The following ELMO1 variants were observed in gnomAD, a reference collection of about 807,000 sequenced individuals.
The protein encoded by ELMO1 is engulfment and cell motility protein 1.
In ELMO1, 26 loss-of-function variants were observed where a neutral mutation model predicts 98.9. The ratio of observed to expected loss-of-function variants is 0.26; its 90% CI spans 0.19 to 0.36. The LOEUF (loss-of-function observed/expected upper bound fraction) is 0.36. Among genes scored for constraint, ELMO1 ranks in the 10% least tolerant of loss-of-function variants. The pLI is 1.00. For missense variants in ELMO1, 627 were observed against 935.2 expected (o/e 0.67, Z 4.30); for synonymous variants, 346 against 346.0 (o/e 1.00, Z 0.00).
chr7:37,259,657 C>G (rs958689861), intron 5 of ELMO1, among the ~76,000 whole-genome samples: 1 of 152,044 alleles, frequency 6.6e-6, no homozygotes, highest in East Asian at 1.9e-4. Context: ...GAACAGGATG[C>G]GGCAGAAAGG....
chr7:37,080,306 G>T (rs1359438199), intron 15 of ELMO1, among the ~76,000 whole-genome samples: 1 of 152,080 alleles, frequency 6.6e-6, no homozygotes, highest in Non-Finnish European at 1.5e-5. Flanking sequence ...ACAATTCTTT[G>T]AAATTATAAA....
At chr7:37,110,954 T>G (rs1785220776) in intron 14 of ELMO1, among the ~76,000 whole-genome samples, 2 of 152,258 alleles carry the variant, frequency 1.3e-5, no homozygotes, top group Admixed American at 1.3e-4. Context: ...TACATATTTA[T>G]GAATTCAGAG....
intron 13 of ELMO1, among the ~76,000 whole-genome samples, chr7:37,204,957 C>G (rs1010271616): frequency 6.6e-6 from 1 of 152,230 alleles, no homozygotes; most frequent in African/African-American, 2.4e-5. Flanking sequence ...TAGCTAGACA[C>G]AGACAGCTGA....
At chr7:37,110,143 G>C (rs1341518388) in intron 14 of ELMO1, among the ~76,000 whole-genome samples, 3 of 152,158 alleles carry the variant, frequency 2.0e-5, no homozygotes, top group African/African-American at 7.2e-5. Context: ...GAAATATCAG[G>C]GAGATTAATT....
chr7:37,244,312 A>C (rs1399969858), intron 7 of ELMO1, 44 bp downstream of exon 7: 1 of 1,600,434 alleles, frequency 6.2e-7, no homozygotes, highest in Non-Finnish European at 8.5e-7. Flanking sequence ...GCAGGAAAGT[A>C]GGAAGGGTTA....
At chr7:37,323,871 C>T (rs1259139336) in intron 2 of ELMO1, among the ~76,000 whole-genome samples, 3 of 152,184 alleles carry the variant, frequency 2.0e-5, no homozygotes, top group Non-Finnish European at 4.4e-5. Context: ...CAAGGATGCC[C>T]TGCCACCCTT....
At chr7:37,260,709 T>A (rs1295065123) in intron 5 of ELMO1, among the ~76,000 whole-genome samples, 1 of 152,028 alleles carries the variant, frequency 6.6e-6, no homozygotes, top group African/African-American at 2.4e-5. Context: ...GTGGCAGGTC[T>A]CCCATTTAAT....
At chr7:37,031,167 A>G (rs983183243) in intron 15 of ELMO1, among the ~76,000 whole-genome samples, 1 of 152,170 alleles carries the variant, frequency 6.6e-6, no homozygotes, top group Admixed American at 6.5e-5. Context: ...GTCTCGGGAC[A>G]GATCCATTTC....
intron 1 of ELMO1, among the ~76,000 whole-genome samples, chr7:37,423,723 TG>T (rs1339427987): frequency 6.6e-6 from 1 of 152,250 alleles, no homozygotes; most frequent in Non-Finnish European, 1.5e-5. Context: ...CAAGGCTTTA[TG>T]GATCATACCA....
intron 13 of ELMO1, among the ~76,000 whole-genome samples, chr7:37,154,227 G>A (rs1346923558): frequency 6.6e-6 from 1 of 152,210 alleles, no homozygotes; most frequent in Non-Finnish European, 1.5e-5. Context: ...CAGAAAGGCT[G>A]AAAATTCCAA....
chr7:37,041,580 CTGTT>C (rs1407321769), intron 15 of ELMO1, among the ~76,000 whole-genome samples: 1 of 152,136 alleles, frequency 6.6e-6, no homozygotes, highest in African/African-American at 2.4e-5. Context: ...CGGGGAGACA[CTGTT>C]TGAAAAGTAT....
intron 6 of ELMO1, among the ~76,000 whole-genome samples, chr7:37,246,498 C>A (rs1254202873): frequency 6.6e-6 from 1 of 152,068 alleles, no homozygotes; most frequent in Non-Finnish European, 1.5e-5. Flanking sequence ...TACCATGTGC[C>A]ATCAACAGGA....
At chr7:37,000,544 A>G (rs1454147370) in intron 16 of ELMO1, among the ~76,000 whole-genome samples, 1 of 152,224 alleles carries the variant, frequency 6.6e-6, no homozygotes, top group African/African-American at 2.4e-5. Context: ...TTTCCCCCCA[A>G]TTTAAGATAA....
At chr7:37,085,114 T>G (rs1433386169) in intron 15 of ELMO1, among the ~76,000 whole-genome samples, 1 of 152,140 alleles carries the variant, frequency 6.6e-6, no homozygotes, top group Non-Finnish European at 1.5e-5. Flanking sequence ...GAGACCTGAT[T>G]GGCATCCACC....
At chr7:37,033,302 C>T (rs1181536878) in intron 15 of ELMO1, 19 of 446,328 alleles carry the variant, frequency 4.3e-5, no homozygotes, top group South Asian at 2.8e-4. Flanking sequence ...TGAGCTCTGC[C>T]TATGCTTTAA....
In ELMO1 at chr7:36,919,320, C is replaced by G. The variant is rs60329391; in HGVS notation, c.1438-24303G>C. ...TCGTGTGAGTCTCAGCCTTTTCTAA[C>G]ACTGCTCAGATGCTGGCTGAAGACT... is the stretch of plus-strand genomic sequence containing the variant. On this transcript the variant is annotated intron_variant, in intron 16 of 21. Transcript: ENST00000310758. The G allele has an allele frequency of 3.6e-3, 1,852 of 519,792 alleles. 27 individuals are homozygous for G. Among genetic ancestry groups the G allele is most frequent in the African/African-American group, 0.034 (1,739 of 51,816 alleles). The allele number at this position is 519,792 out of a possible 1,614,324, so 32.2% of individuals were successfully genotyped here.
chr7:37,303,476 T>C (rs961590614), intron 4 of ELMO1, among the ~76,000 whole-genome samples: 1 of 152,214 alleles, frequency 6.6e-6, no homozygotes, highest in Non-Finnish European at 1.5e-5. Context: ...TTTAGAAGTA[T>C]AAAAACATGA....
intron 16 of ELMO1, among the ~76,000 whole-genome samples, chr7:36,909,248 G>A (rs1433071527): frequency 6.6e-6 from 1 of 152,194 alleles, no homozygotes; most frequent in Non-Finnish European, 1.5e-5. Flanking sequence ...CAAGTAGTAA[G>A]TAAATAAGAA....
chr7:37,168,796 C>A (rs1789934441), intron 13 of ELMO1, among the ~76,000 whole-genome samples: 1 of 152,198 alleles, frequency 6.6e-6, no homozygotes, highest in Non-Finnish European at 1.5e-5. Context: ...GGGTCAGGGA[C>A]CCACTTGAGG....
Sources: allele counts gnomAD v4.1 joint callset (sites outside exome capture counted in the v4.1 genomes callset), GRCh38; gene constraint gnomAD v4.1.1; transcripts MANE v1.5; gene names NCBI Gene and HGNC (gene_info 2026-07-23, HGNC 2026-07-21).